KCP: variants seen among roughly 807,000 people sequenced by gnomAD.
KCP encodes the protein kielin cysteine rich BMP regulator.
KCP carries 194 observed loss-of-function variants against 212.7 expected under a neutral mutation model. The ratio of observed to expected loss-of-function variants is 0.91; its 90% confidence interval spans 0.81 to 1.03. The LOEUF (loss-of-function observed/expected upper bound fraction) is 1.03, where lower values mean the gene tolerates loss of function less well. KCP is among the 50% of genes least tolerant of loss of function. KCP has a pLI of 0.00. For missense variants in KCP, 2,080 were observed against 2,162.5 expected (o/e 0.96, Z 0.76); for synonymous variants, 833 against 865.3 (o/e 0.96, Z 0.65).
rs1229730885 is a variant in KCP, at chr7:128,891,237, C to T, written c.1920G>A (p.Leu640=). The part of the protein sequence containing the change: ...VQCLARRCVP[L]PCPEPVLLPG... ...GCAGCAGGACAGGCTCTGGACAGGG[C>T]AGCGGCACGCAGCGGCGGGCCAGGC... The change falls in exon 19 of 40, where the codon CTG becomes CTA. Residue 640 remains leucine, a synonymous_variant. Transcript: ENST00000610776. 3.9e-6 allele frequency: 6 copies of T among 1,546,594 alleles called. No homozygotes were observed. Among genetic ancestry groups the T allele is most frequent in the Non-Finnish European group, 5.2e-6 (6 of 1,146,646 alleles).
rs761334158 is a variant in KCP at position 128,894,269 on chromosome 7, G to A, written c.856C>T (p.Arg286Ter). The A allele has an allele frequency of 1.2e-5, 19 of 1,543,874 alleles. No individual in the cohort carries two copies. The highest frequency in any genetic ancestry group is 2.7e-5 in the African/African-American group (2 of 72,974). The change falls in exon 9 of 40, where the codon CGA (arginine) becomes TGA (stop). Residue 286 changes from arginine to a stop codon, truncating the protein, a stop_gained. Coordinates refer to ENST00000610776, the MANE Select transcript of KCP (RefSeq NM_001366122.1). LOFTEE classifies it high-confidence loss of function. ...CLEGHIQCRQ[R>*]ECASLCPYPA... is the part of the protein sequence containing the mutation. Reference sequence around the variant, plus strand: ...TATGGACACAGGCTGGCACATTCTCGCTGGCGGCACTGGATGTGACCCTCC... The same window carrying A: ...TATGGACACAGGCTGGCACATTCTCACTGGCGGCACTGGATGTGACCCTCC...
At position 128,879,445 on chromosome 7, in the gene KCP, C is replaced by G. The variant is rs533259271; in HGVS notation, c.4146+77G>C. On this transcript the variant is annotated intron_variant, in intron 37 of 39. Coordinates refer to ENST00000610776, the MANE Select transcript of KCP (RefSeq NM_001366122.1). ...TAGGAGGTAGCTGGCATCCCCACCC[C>G]CTCTACAGATACAGAGGCCTAAACA... 1.0e-5 allele frequency: 13 copies of G among 1,284,406 alleles called. No homozygotes were observed. In the African/African-American group the frequency reaches 1.6e-4, roughly 16 times the overall value. The allele number at this position is 1,284,406 out of a possible 1,614,324, so 79.6% of individuals were successfully genotyped here.
In KCP at chr7:128,884,226, G is replaced by C. The variant is rs1480266214; in HGVS notation, c.3124-104C>G. ...CCCTCTGCCTGCTGCAGCCTCTTCCGGGACATGTCTTGGGCCCTGAACTCA... is the reference window on the plus strand; with the variant it reads ...CCCTCTGCCTGCTGCAGCCTCTTCCCGGACATGTCTTGGGCCCTGAACTCA... On this transcript the variant is annotated intron_variant, in intron 28 of 39. Coordinates refer to ENST00000610776, the MANE Select transcript of KCP (RefSeq NM_001366122.1). The C allele has an allele frequency of 1.1e-5, 16 of 1,401,260 alleles. No homozygotes were observed. In the East Asian group the frequency reaches 1.6e-4, roughly 14 times the overall value. 86.8% of individuals were successfully genotyped at this position (1,401,260 alleles called of 1,614,324 possible). A position where few individuals can be genotyped will look rare whatever the true frequency, so the allele number is the denominator to read the frequency against.
chr7:128,908,508 G>A lies in KCP; in HGVS notation c.137C>T (p.Ala46Val), dbSNP rs1795274048. ...GTGCCACTGCTCCTGGGAGTTCCCA[G>A]CAAGGACTGAGGAATGGGCAGTTGT... ...QQTTAHSSVL[A>V]GNSQEQWHPL... Residue 46 changes from alanine to valine, a missense_variant, in exon 2 of 40, where the codon GCT (alanine) becomes GTT (valine). By Grantham distance (64) the Ala-to-Val change is moderately conservative (BLOSUM62 0). Transcript: ENST00000610776. 1 of 1,551,918 alleles carries A rather than the reference G, an allele frequency of 6.4e-7. No individual in the cohort carries two copies. Among genetic ancestry groups the A allele is most frequent in the Non-Finnish European group, 8.7e-7 (1 of 1,147,044 alleles).
At chr7:128,884,982 G>A (rs1159304972) in intron 27 of KCP, 115 bp downstream of exon 27, 1 of 1,497,276 alleles carries the variant, frequency 6.7e-7, no homozygotes, top group Non-Finnish European at 9.1e-7. Flanking sequence ...TGTGCACAAG[G>A]ACGGAGGCCA....
chr7:128,877,078 G>A lies in KCP; in HGVS notation c.4852C>T (p.Pro1618Ser). ...TCCTGGGGCTCCCGGCTGGGGCTGG[G>A]CCGAGCACCAAGTGGCTGGTCTCCA... ...LTGDQPLGAR[P>S]SPSREPQETP The change falls in exon 40 of 40, where the codon CCC becomes TCC. Residue 1618 changes from proline (P) to serine (S), a missense_variant. Coordinates refer to ENST00000610776, the MANE Select transcript of KCP (RefSeq NM_001366122.1). 1 of 1,522,224 alleles carries A rather than the reference G, an allele frequency of 6.6e-7. No homozygotes were observed. Among genetic ancestry groups the A allele is most frequent in the Non-Finnish European group, 8.8e-7 (1 of 1,139,184 alleles). The allele number at this position is 1,522,224 out of a possible 1,614,324, so 94.3% of individuals were successfully genotyped here.
intron 9 of KCP, 40 bp from the exon 10 acceptor site, chr7:128,894,095 C>T: frequency 6.5e-7 from 1 of 1,534,940 alleles, no homozygotes; most frequent in Non-Finnish European, 8.8e-7. Context: ...TCAGGGGCCC[C>T]TCCCCACCCT....
intron 8 of KCP, among the ~76,000 whole-genome samples, chr7:128,897,600 G>GT (rs528890997): frequency 6.6e-4 from 100 of 152,352 alleles, no homozygotes; most frequent in Middle Eastern, 3.4e-3. Context: ...AATAAGGACA[G>GT]TTTTAAAGAT....
intron 8 of KCP, among the ~76,000 whole-genome samples, chr7:128,898,490 G>A (rs1794656710): frequency 6.6e-6 from 1 of 152,190 alleles, no homozygotes; most frequent in Admixed American, 6.5e-5. Flanking sequence ...GTGTGTCCTA[G>A]GCTAGGCTCC....
chr7:128,877,694 C>T lies in KCP; in HGVS notation c.4408G>A (p.Ala1470Thr), dbSNP rs1448118049. ...AGYRARREANARCGVLKSSPF... is the reference protein window; with the variant it reads ...AGYRARREANTRCGVLKSSPF... ...GAGGACTTCAGCACCCCACACCGGGCATTGGCCTCACGCCTGGCACGGTAA... is the reference window on the plus strand; with the variant it reads ...GAGGACTTCAGCACCCCACACCGGGTATTGGCCTCACGCCTGGCACGGTAA... Residue 1470 changes from alanine (A) to threonine (T), a missense_variant, in exon 39 of 40, where the codon GCC becomes ACC. Transcript: ENST00000610776. 6.4e-7 allele frequency: 1 copy of T among 1,551,296 alleles called. No homozygotes were observed. The highest frequency in any genetic ancestry group is 2.4e-5 in the East Asian group (1 of 40,920).
At chr7:128,894,156 G>A in intron 9 of KCP, 44 bp downstream of exon 9, 1 of 1,509,878 alleles carries the variant, frequency 6.6e-7, no homozygotes, top group Non-Finnish European at 8.9e-7. Flanking sequence ...ATTTTCTCCA[G>A]GTTGCCCACC....
chr7:128,877,594 C>G lies in KCP; in HGVS notation c.4508G>C (p.Cys1503Ser). The G allele has an allele frequency of 6.4e-7, 1 of 1,551,676 alleles. No individual in the cohort carries two copies. The highest frequency in any genetic ancestry group is 2.0e-5 in the Admixed American group (1 of 51,010). The stretch of plus-strand genomic sequence containing the variant: ...GGCATCAGCGGAGGAGCCAGGGCCA[C>G]AGGCACACAGGTCATACACACAGGC... ...FAACVYDLCA[C>S]GPGSSADACL... Residue 1503 changes from cysteine (C) to serine (S), a missense_variant, in exon 39 of 40, where the codon TGT becomes TCT. By Grantham distance (112) the Cys-to-Ser change is moderately radical (BLOSUM62 -1). Coordinates refer to ENST00000610776, the MANE Select transcript of KCP (RefSeq NM_001366122.1).
rs913163405 is a variant in KCP, at chr7:128,902,872, G to A, written c.749-13C>T. On this transcript the variant is annotated splice_polypyrimidine_tract_variant and intron_variant, in intron 7 of 39. Transcript: ENST00000610776. ...CCTTCTGTGCAGCCTAGGGTTGAGG[G>A]GTTGAGAAGAGGGAGGCCTGGTGGG... 28 of 1,549,624 alleles carry A rather than the reference G, an allele frequency of 1.8e-5. No individual in the cohort carries two copies. The highest frequency in any genetic ancestry group is 2.4e-5 in the Non-Finnish European group (28 of 1,145,538).
At chr7:128,894,330 G>T in intron 8 of KCP, 37 bp from the exon 9 acceptor site, 1 of 1,450,904 alleles carries the variant, frequency 6.9e-7, no homozygotes, top group Non-Finnish European at 9.3e-7. Context: ...GGGCCGACAG[G>T]GCTCAACTGA....
At chr7:128,878,460 C>T (rs939552199) in intron 38 of KCP, 98 bp downstream of exon 38, 43 of 1,318,630 alleles carry the variant, frequency 3.3e-5, no homozygotes, top group Admixed American at 1.8e-4. Flanking sequence ...TGTGTGACTT[C>T]GCCCCCCTTC....
chr7:128,895,655 C>A (rs140052695), intron 8 of KCP, among the ~76,000 whole-genome samples: 105 of 152,338 alleles, frequency 6.9e-4, no homozygotes, highest in Admixed American at 1.1e-3. Context: ...GCACAAAATA[C>A]AGATCATAAA....
intron 5 of KCP, among the ~76,000 whole-genome samples, chr7:128,905,802 A>C (rs1976297): frequency 0.17 from 25,291 of 150,506 alleles, 2,664 homozygotes; most frequent in East Asian, 0.55. Flanking sequence ...GCCCAGAGGA[A>C]CCTCACGTAC....
chr7:128,881,648 C>A lies in KCP; in HGVS notation c.3402G>T (p.Gly1134=), dbSNP rs1241153807. The change falls in exon 31 of 40, where the codon GGG becomes GGT. Residue 1134 remains glycine (G), a synonymous_variant. Coordinates refer to ENST00000610776, the MANE Select transcript of KCP (RefSeq NM_001366122.1). ...TACCCCGGCATACGGGGCAGCAGCT[C>A]CCAGGGGGAGTGTGGCGCTCTGAGA... The part of the protein sequence containing the change: ...CPLSERHTPP[G]SCCPVCRECV... 1.3e-6 allele frequency: 2 copies of A among 1,509,914 alleles called. No homozygotes were observed. The highest frequency in any genetic ancestry group is 1.8e-6 in the Non-Finnish European group (2 of 1,135,240). The allele number at this position is 1,509,914 out of a possible 1,614,324, so 93.5% of individuals were successfully genotyped here. A position where few individuals can be genotyped will look rare whatever the true frequency, so the allele number is the denominator to read the frequency against.
intron 29 of KCP, among the ~76,000 whole-genome samples, chr7:128,883,134 G>A (rs538962732): frequency 6.6e-6 from 1 of 150,524 alleles, no homozygotes; most frequent in South Asian, 2.1e-4. Flanking sequence ...AAAAAAGTAT[G>A]TTTTTTCTTT....
Sources: allele counts gnomAD v4.1 joint callset (sites outside exome capture counted in the v4.1 genomes callset), GRCh38; gene constraint gnomAD v4.1.1; transcripts MANE v1.5; gene names NCBI Gene and HGNC (gene_info 2026-07-23, HGNC 2026-07-21).